ANKRD12: variants seen among roughly 807,000 people sequenced by gnomAD.
ANKRD12 encodes the protein ankyrin repeat domain-containing protein 12.
In ANKRD12, 85 loss-of-function variants were observed where a neutral mutation model predicts 183.4. The observed-to-expected ratio is 0.46, with a 90% confidence interval of 0.39 to 0.56. The LOEUF is 0.56. ANKRD12 is among the 20% of genes least tolerant of loss of function. The pLI, the probability that ANKRD12 is intolerant of heterozygous loss-of-function variation, is 0.00. For missense variants in ANKRD12, 2,405 were observed against 2,357.1 expected (o/e 1.02, Z -0.42); for synonymous variants, 914 against 800.2 (o/e 1.14, Z -2.40).
intron 3 of ANKRD12, among the ~76,000 whole-genome samples, chr18:9,198,130 G>A (rs1319811363): frequency 6.6e-6 from 1 of 152,016 alleles, no homozygotes; most frequent in Non-Finnish European, 1.5e-5. Flanking sequence ...TCTTTTTTAT[G>A]TAGTATTCTG....
intron 8 of ANKRD12, among the ~76,000 whole-genome samples, chr18:9,233,453 T>G (rs371991311): frequency 1.2e-4 from 18 of 152,264 alleles, no homozygotes; most frequent in South Asian, 4.1e-4. Context: ...TGCTCAGGAA[T>G]TACTGTGGGG....
intron 2 of ANKRD12, among the ~76,000 whole-genome samples, chr18:9,186,750 CTTTTTT>C (rs759387137): frequency 8.5e-6 from 1 of 117,264 alleles, no homozygotes; most frequent in Non-Finnish European, 1.8e-5. Flanking sequence ...CTTTGATTGT[CTTTTTT>C]TTTTTTTTTT....
intron 1 of ANKRD12, among the ~76,000 whole-genome samples, chr18:9,158,779 G>A (rs2030976094): frequency 6.6e-6 from 1 of 152,150 alleles, no homozygotes; most frequent in Admixed American, 6.5e-5. Flanking sequence ...GAGAGGAGAT[G>A]TCTGCATAAA....
At chr18:9,237,194 AAACTC>A (rs1187606081) in intron 8 of ANKRD12, among the ~76,000 whole-genome samples, 2 of 152,232 alleles carry the variant, frequency 1.3e-5, no homozygotes, top group African/African-American at 2.4e-5. Context: ...ACAGCTAACA[AAACTC>A]AAGAGTCCTA....
intron 1 of ANKRD12, among the ~76,000 whole-genome samples, chr18:9,176,595 C>T (rs142205758): frequency 6.0e-4 from 91 of 152,082 alleles, no homozygotes; most frequent in African/African-American, 2.0e-3. Flanking sequence ...CCAGCCCAAA[C>T]TCGGTTCTTA....
chr18:9,186,750 CT>C (rs759387137), intron 2 of ANKRD12, among the ~76,000 whole-genome samples: 8,415 of 117,218 alleles, frequency 0.072, 207 homozygotes, highest in Non-Finnish European at 0.082. Flanking sequence ...CTTTGATTGT[CT>C]TTTTTTTTTT....
intron 1 of ANKRD12, among the ~76,000 whole-genome samples, chr18:9,181,201 TTGTAA>T (rs1567886182): frequency 1.3e-5 from 2 of 152,346 alleles, no homozygotes; most frequent in Non-Finnish European, 1.5e-5. Context: ...GTTTTTTGTG[TTGTAA>T]TGTATTCTGA....
rs2038670533 is a variant in ANKRD12 at position 9,256,972 on chromosome 18, A to G, written c.3705A>G (p.Leu1235=). The change falls in exon 9 of 13, where the codon TTA becomes TTG. Residue 1235 remains leucine (L), a synonymous_variant. Transcript: ENST00000262126. ...TTGAGTATGACTCTGACTTTATGTT[A>G]GAGAGTTCAGAATCCCAAATGTCCT... ...PPVEYDSDFM[L]ESSESQMSFS... is the part of the protein sequence containing the mutation. The G allele has an allele frequency of 1.2e-6, 2 of 1,614,124 alleles. No individual in the cohort carries two copies. The highest frequency in any genetic ancestry group is 1.7e-6 in the Non-Finnish European group (2 of 1,179,986).
At chr18:9,140,596 T>G (rs2078281657) in intron 1 of ANKRD12, among the ~76,000 whole-genome samples, 1 of 152,236 alleles carries the variant, frequency 6.6e-6, no homozygotes, top group East Asian at 1.9e-4. Flanking sequence ...ATTTGACTCT[T>G]GCTAGTTTTC....
intron 1 of ANKRD12, among the ~76,000 whole-genome samples, chr18:9,172,228 C>T (rs960759355): frequency 4.6e-5 from 7 of 151,990 alleles, no homozygotes; most frequent in African/African-American, 1.4e-4. Flanking sequence ...GATCATCTTA[C>T]TGGGGTTCTC....
At chr18:9,188,752 AG>A (rs2034267630) in intron 2 of ANKRD12, among the ~76,000 whole-genome samples, 1 of 152,214 alleles carries the variant, frequency 6.6e-6, no homozygotes, top group African/African-American at 2.4e-5. Flanking sequence ...GATGATGATT[AG>A]TGATCTTTGT....
intron 8 of ANKRD12, among the ~76,000 whole-genome samples, chr18:9,244,503 T>C (rs990448525): frequency 6.6e-6 from 1 of 151,896 alleles, no homozygotes; most frequent in Non-Finnish European, 1.5e-5. Flanking sequence ...AGATTTTGAT[T>C]AAAAAAAATC....
Position 9,281,673 on chromosome 18 carries a change from C to T in ANKRD12, c.*547C>T, listed in dbSNP as rs1183408866. On this transcript the variant is annotated 3_prime_UTR_variant, in exon 13 of 13. Coordinates refer to ENST00000262126, the MANE Select transcript of ANKRD12 (RefSeq NM_015208.5). ...TTATACATATTGTGCAGATGTAAAT[C>T]TTGTAATTAATGGTCAAACTGTATA... 6.6e-6 allele frequency: 1 copy of T among 152,496 alleles called. No homozygotes were observed. Among genetic ancestry groups the T allele is most frequent in the Non-Finnish European group, 1.5e-5 (1 of 68,020 alleles). The allele number at this position is 152,496 out of a possible 1,614,324, so 9.4% of individuals were successfully genotyped here. A position where few individuals can be genotyped will look rare whatever the true frequency, so the allele number is the denominator to read the frequency against.
At chr18:9,174,302 G>A (rs945745188) in intron 1 of ANKRD12, among the ~76,000 whole-genome samples, 41 of 152,344 alleles carry the variant, frequency 2.7e-4, no homozygotes, top group African/African-American at 9.4e-4. Context: ...AGTGAGGCCC[G>A]CAGAATGACA....
At chr18:9,137,998 T>G (rs1239793639) in intron 1 of ANKRD12, 1 of 152,262 alleles carries the variant, frequency 6.6e-6, no homozygotes, top group East Asian at 1.9e-4. Flanking sequence ...ACCGGGATTG[T>G]AATTTCCACT....
chr18:9,247,430 G>A lies in ANKRD12; in HGVS notation c.944-6781G>A, dbSNP rs1467089662. On this transcript the variant is annotated intron_variant, in intron 8 of 12. Transcript: ENST00000262126. ...GGAGCTCAAGGTTACAGTGAGCTGC[G>A]ATCGTGCCACTGCACTCCAGCCTGG... Among the ~76,000 whole-genome samples, 8 of 152,152 alleles carry A rather than the reference G, an allele frequency of 5.3e-5. No individual in the cohort carries two copies. In the South Asian group the frequency reaches 1.2e-3, roughly 24 times the overall value.
At chr18:9,259,405 CATAGACACATTTAT>C (rs1372211454) in intron 9 of ANKRD12, 129 of 149,674 alleles carry the variant, frequency 8.6e-4, no homozygotes, top group Middle Eastern at 6.9e-3. Context: ...ATGTGTTTAA[CATAGACACATTTAT>C]GTGTTTAACA....
chr18:9,203,965 G>A (rs527354033), intron 3 of ANKRD12, among the ~76,000 whole-genome samples: 1 of 152,234 alleles, frequency 6.6e-6, no homozygotes, highest in East Asian at 1.9e-4. Flanking sequence ...CTTTCCAGAC[G>A]GTCTTCAGTA....
Position 9,275,500 on chromosome 18 carries a change from T to C in ANKRD12, c.5764-24T>C, listed in dbSNP as rs577237780. 2.3e-5 allele frequency: 37 copies of C among 1,591,656 alleles called. No individual in the cohort carries two copies. In the South Asian group the frequency reaches 3.8e-4, roughly 16 times the overall value. ...CAAAAATTTGTTGAAGAATTTATTT[T>C]TTTTTAATTCTTTATTCAACTAGGA... On this transcript the variant is annotated intron_variant, in intron 10 of 12. Transcript: ENST00000262126.
Sources: allele counts gnomAD v4.1 joint callset (sites outside exome capture counted in the v4.1 genomes callset), GRCh38; gene constraint gnomAD v4.1.1; transcripts MANE v1.5; gene names NCBI Gene and HGNC (gene_info 2026-07-23, HGNC 2026-07-21).